Variants in BRIP1 observed in about 807,000 individuals in gnomAD.
BRIP1 encodes Fanconi anemia group J protein.
BRIP1 carries 88 observed loss-of-function variants against 119.7 expected under a neutral mutation model. The observed-to-expected ratio is 0.74, with a 90% CI of 0.62 to 0.88. The LOEUF is 0.88. Among genes scored for constraint, BRIP1 ranks in the 40% least tolerant of loss-of-function variants. The pLI is 0.00. For missense variants in BRIP1, 1,259 were observed against 1,455.4 expected, an observed-to-expected ratio of 0.87 and a Z score of 2.20; for synonymous variants, 443 against 496.5, an observed-to-expected ratio of 0.89 and a Z score of 1.43.
rs2078130439 is a variant in BRIP1 at position 61,809,553 on chromosome 17, T to G, written c.628-796A>C. On this transcript the variant is annotated intron_variant, in intron 6 of 19. Coordinates refer to ENST00000259008, the MANE Select transcript of BRIP1 (RefSeq NM_032043.3). This position sits in a 1 kb window ranked among gnomAD's most constrained non-coding sequence, Gnocchi z 5.2. Reference sequence around the variant, plus strand: ...CTACTTAATTTACCTGATTTTTCTCTTCTGTTTCCAAATTCTCAAATACTA... The same window carrying G: ...CTACTTAATTTACCTGATTTTTCTCGTCTGTTTCCAAATTCTCAAATACTA... 6.6e-6 allele frequency among the ~76,000 whole-genome samples: 1 copy of G among 152,132 alleles called. No individual in the cohort carries two copies. Among genetic ancestry groups the G allele is most frequent in the Non-Finnish European group, 1.5e-5 (1 of 67,994 alleles).
In BRIP1 at chr17:61,701,101, A is replaced by T. The variant is rs1190788096; in HGVS notation, c.2493-7589T>A. Among the ~76,000 whole-genome samples the T allele has an allele frequency of 6.6e-6, 1 of 152,160 alleles. No individual in the cohort carries two copies. The highest frequency in any genetic ancestry group is 2.4e-5 in the African/African-American group (1 of 41,442). On this transcript the variant is annotated intron_variant, in intron 17 of 19. Transcript: ENST00000259008. This position sits in a 1 kb window ranked among gnomAD's most constrained non-coding sequence, Gnocchi z 5.1. ...TTTGCTTAGTTATTGAATGTATTTG[A>T]ACTAGCTTTCTCTCCTAAGGCATAG...
Position 61,858,783 on chromosome 17 carries a change from T to G in BRIP1, c.205+1013A>C, listed in dbSNP as rs140250366. 4.1e-4 allele frequency among the ~76,000 whole-genome samples: 62 copies of G among 152,362 alleles called. No individual in the cohort carries two copies. Among genetic ancestry groups the G allele is most frequent in the Non-Finnish European group, 7.6e-4 (52 of 68,028 alleles). On this transcript the variant is annotated intron_variant, in intron 3 of 19. Transcript: ENST00000259008. ...CCATGTTTAACCTCAATTCTCCTAA[T>G]ACTTTAGGTTAAAGCCATCTAATGT...
rs1248511733 is a variant in BRIP1 at position 61,693,871 on chromosome 17, G to C, written c.2493-359C>G. Among the ~76,000 whole-genome samples, 1 of 151,856 alleles carries C rather than the reference G, an allele frequency of 6.6e-6. No individual in the cohort carries two copies. The highest frequency in any genetic ancestry group is 1.5e-5 in the Non-Finnish European group (1 of 67,926). ...GGTCCTTTTTACTAGTTTGATGAGA[G>C]TTTTAAATCATGAATAAACATTTAA... On this transcript the variant is annotated intron_variant, in intron 17 of 19. Transcript: ENST00000259008. This position sits in a 1 kb window ranked among gnomAD's most constrained non-coding sequence, Gnocchi z 4.2.
At chr17:61,711,612 T>G (rs578251572) in intron 17 of BRIP1, among the ~76,000 whole-genome samples, 21 of 152,252 alleles carry the variant, frequency 1.4e-4, no homozygotes, top group African/African-American at 4.6e-4. Context: ...CTCACGCCTG[T>G]AATCTTAACA....
chr17:61,710,635 T>C lies in BRIP1; in HGVS notation c.2492+5316A>G, dbSNP rs745912247. On this transcript the variant is annotated intron_variant, in intron 17 of 19. Coordinates refer to ENST00000259008, the MANE Select transcript of BRIP1 (RefSeq NM_032043.3). This position sits in a 1 kb window ranked among gnomAD's most constrained non-coding sequence, Gnocchi z 5.4. Reference sequence around the variant, plus strand: ...GTTTGATAGTTTAATACTGACATACTTATGTTTAATAGTGAAAAATTCGGT... The same window carrying C: ...GTTTGATAGTTTAATACTGACATACCTATGTTTAATAGTGAAAAATTCGGT... 4.5e-4 allele frequency among the ~76,000 whole-genome samples: 68 copies of C among 152,316 alleles called. No individual in the cohort carries two copies. The highest frequency in any genetic ancestry group is 6.2e-4 in the South Asian group (3 of 4,830).
rs893587020 is a variant in BRIP1 at position 61,780,005 on chromosome 17, G to T, written c.1935+256C>A. On this transcript the variant is annotated intron_variant, in intron 13 of 19. Coordinates refer to ENST00000259008, the MANE Select transcript of BRIP1 (RefSeq NM_032043.3). The surrounding 1 kb of genome is among the most constrained non-coding windows in gnomAD (Gnocchi z 5.4). ...TGAGAATTAAAGAAATCAAAATTTT[G>T]TTTTCATTACAAAACTAAAACTTAC... 2.0e-5 allele frequency among the ~76,000 whole-genome samples: 3 copies of T among 152,088 alleles called. No homozygotes were observed. The highest frequency in any genetic ancestry group is 4.4e-5 in the Non-Finnish European group (3 of 67,990).
chr17:61,801,023 A>T (rs2077981078), intron 8 of BRIP1, among the ~76,000 whole-genome samples: 1 of 152,174 alleles, frequency 6.6e-6, no homozygotes, highest in African/African-American at 2.4e-5. Context: ...TCCTGCTGTA[A>T]TCCCACTTCA....
chr17:61,833,735 T>A (rs1343533415), intron 6 of BRIP1, among the ~76,000 whole-genome samples: 1 of 151,078 alleles, frequency 6.6e-6, no homozygotes, highest in African/African-American at 2.4e-5. Flanking sequence ...TAGTCATCCA[T>A]TCTATCATCC....
chr17:61,827,355 A>G lies in BRIP1; in HGVS notation c.628-18598T>C, dbSNP rs2078425184. Among the ~76,000 whole-genome samples the G allele has an allele frequency of 6.6e-6, 1 of 152,186 alleles. No homozygotes were observed. The highest frequency in any genetic ancestry group is 1.5e-5 in the Non-Finnish European group (1 of 68,034). On this transcript the variant is annotated intron_variant, in intron 6 of 19. Coordinates refer to ENST00000259008, the MANE Select transcript of BRIP1 (RefSeq NM_032043.3). This position sits in a 1 kb window ranked among gnomAD's most constrained non-coding sequence, Gnocchi z 5.8. ...ATACCTGGGTGACAAAATAATCTGT[A>G]CAACAAACCACTACCACACAAGTTT...
At position 61,834,831 on chromosome 17, in the gene BRIP1, C is replaced by G. The variant is rs78423227; in HGVS notation, c.627+12270G>C. 1.9e-3 allele frequency among the ~76,000 whole-genome samples: 287 copies of G among 152,314 alleles called. No individual in the cohort carries two copies. The highest frequency in any genetic ancestry group is 6.5e-3 in the African/African-American group (270 of 41,566). On this transcript the variant is annotated intron_variant, in intron 6 of 19. Coordinates refer to ENST00000259008, the MANE Select transcript of BRIP1 (RefSeq NM_032043.3). This position sits in a 1 kb window ranked among gnomAD's most constrained non-coding sequence, Gnocchi z 4.4. ...GAAGCAGGGCTGCCTTGCTGACTTA[C>G]AGCTGACCTGCAGTTGACCACAGAC... is the stretch of plus-strand genomic sequence containing the variant.
At chr17:61,765,382 TATATATATATA>T (rs2077341735) in intron 14 of BRIP1, among the ~76,000 whole-genome samples, 217 of 18,300 alleles carry the variant, frequency 0.012, 2 homozygotes, top group Middle Eastern at 0.026. Context: ...GTATATATTA[TATATATATATA>T]TATATATATA....
chr17:61,841,674 A>G lies in BRIP1; in HGVS notation c.627+5427T>C, dbSNP rs1046177593. The stretch of plus-strand genomic sequence containing the variant: ...AAACCTAAAAATATTACTACCATAT[A>G]ATCATATAATCCAGCAATCCTACTA... On this transcript the variant is annotated intron_variant, in intron 6 of 19. Transcript: ENST00000259008. The surrounding 1 kb of genome is among the most constrained non-coding windows in gnomAD (Gnocchi z 4.1). Among the ~76,000 whole-genome samples the G allele has an allele frequency of 1.3e-5, 2 of 152,300 alleles. No individual in the cohort carries two copies. The highest frequency in any genetic ancestry group is 4.8e-5 in the African/African-American group (2 of 41,572).
chr17:61,715,900 T>C (rs2061851357), intron 17 of BRIP1, 51 bp downstream of exon 17: 2 of 1,194,866 alleles, frequency 1.7e-6, no homozygotes, highest in Non-Finnish European at 1.2e-6. Flanking sequence ...ACTAGATTTA[T>C]ATATATAGCC....
In BRIP1 at chr17:61,681,849, C is replaced by G. The variant is rs1463833846; in HGVS notation, c.*1447G>C. 1 of 197,370 alleles carries G rather than the reference C, an allele frequency of 5.1e-6. No homozygotes were observed. Among genetic ancestry groups the G allele is most frequent in the African/African-American group, 2.3e-5 (1 of 43,366 alleles). 12.2% of individuals were successfully genotyped at this position (197,370 alleles called of 1,614,324 possible). On this transcript the variant is annotated 3_prime_UTR_variant, in exon 20 of 20. Coordinates refer to ENST00000259008, the MANE Select transcript of BRIP1 (RefSeq NM_032043.3). The surrounding 1 kb of genome is among the most constrained non-coding windows in gnomAD (Gnocchi z 5.1). ...ATACCTATATAATGATTCATTTATCCAAATGAAATGTAAAGTAAATCCTTA... is the reference window on the plus strand; with the variant it reads ...ATACCTATATAATGATTCATTTATCGAAATGAAATGTAAAGTAAATCCTTA...
chr17:61,780,819 C>G lies in BRIP1; in HGVS notation c.1794+21G>C, dbSNP rs1238809917. On this transcript the variant is annotated intron_variant, in intron 12 of 19. Coordinates refer to ENST00000259008, the MANE Select transcript of BRIP1 (RefSeq NM_032043.3). The surrounding 1 kb of genome is among the most constrained non-coding windows in gnomAD (Gnocchi z 5.4). The stretch of plus-strand genomic sequence containing the variant: ...GGTACTGAGCAAGAAGACAAAATTT[C>G]CATTTACATGATGAGCTTACCACAG... The G allele has an allele frequency of 1.9e-6, 3 of 1,611,576 alleles. No homozygotes were observed. The highest frequency in any genetic ancestry group is 2.5e-6 in the Non-Finnish European group (3 of 1,177,772).
intron 6 of BRIP1, among the ~76,000 whole-genome samples, chr17:61,819,881 T>C (rs1286490718): frequency 6.6e-6 from 1 of 152,132 alleles, no homozygotes; most frequent in Non-Finnish European, 1.5e-5. Flanking sequence ...ACTAAGAGTA[T>C]AATTGGATTA....
rs786202300 is a variant in BRIP1 at position 61,808,653 on chromosome 17, G to A, written c.732C>T (p.Pro244=). 6.2e-7 allele frequency: 1 copy of A among 1,613,736 alleles called. No individual in the cohort carries two copies. Among genetic ancestry groups the A allele is most frequent in the East Asian group, 2.2e-5 (1 of 44,870 alleles). ...GTGTGCGTGTCCCAAAATATATTTT[G>A]GGTATCTTGGATTTCCCTGTATGAT... The part of the protein sequence containing the change: ...KKDHTGKSKI[P]KIYFGTRTHK... Residue 244 remains proline, a synonymous_variant, in exon 7 of 20, where the codon CCC becomes CCT. Coordinates refer to ENST00000259008, the MANE Select transcript of BRIP1 (RefSeq NM_032043.3). The surrounding 1 kb of genome is among the most constrained non-coding windows in gnomAD (Gnocchi z 4.1).
Position 61,680,704 on chromosome 17 carries a change from C to T in BRIP1, c.*2592G>A, listed in dbSNP as rs186580238. 5.8e-4 allele frequency among the ~76,000 whole-genome samples: 88 copies of T among 152,158 alleles called. No individual in the cohort carries two copies. Among genetic ancestry groups the T allele is most frequent in the African/African-American group, 1.9e-3 (77 of 41,550 alleles). ...CCGTGTTAACCAGGATGGTCTCGAT[C>T]TCCTGACCTCGTGATCCGCCCGCCT... On this transcript the variant is annotated 3_prime_UTR_variant, in exon 20 of 20. Coordinates refer to ENST00000259008, the MANE Select transcript of BRIP1 (RefSeq NM_032043.3).
At chr17:61,765,431 T>A (rs1286538678) in intron 14 of BRIP1, among the ~76,000 whole-genome samples, 18 of 53,476 alleles carry the variant, frequency 3.4e-4, no homozygotes, top group South Asian at 7.2e-4. Flanking sequence ...ATATTTTTTT[T>A]TTTTTTTTTT....
Sources: gnomAD v4.1 joint callset for allele counts (sites outside exome capture counted in the v4.1 genomes callset) on GRCh38, gnomAD v4.1.1 for gene constraint, Gnocchi (gnomAD v3.1) non-coding constraint, MANE v1.5 for transcripts, NCBI Gene and HGNC (gene_info 2026-07-23, HGNC 2026-07-21) for gene names.